CYP2C8: variants seen among roughly 807,000 people sequenced by gnomAD.
CYP2C8 encodes cytochrome P450 family 2 subfamily C member 8, also known as cytochrome P450 2C8.
Under a neutral mutation model 41.3 loss-of-function variants are expected in CYP2C8, and 51 were observed. The ratio of observed to expected loss-of-function variants is 1.24; its 90% CI spans 0.99 to 1.56. CYP2C8 has a LOEUF of 1.56. Ranked by LOEUF, CYP2C8 falls within the 40% of genes most tolerant of loss-of-function variation. CYP2C8 has a pLI of 0.00. For missense variants in CYP2C8, 651 were observed against 579.9 expected, an observed-to-expected ratio of 1.12 and a Z score of -1.26; for synonymous variants, 218 against 205.8, an observed-to-expected ratio of 1.06 and a Z score of -0.51.
In CYP2C8 at chr10:95,045,753, G is replaced by C; in HGVS notation, c.961+57C>G. On this transcript the variant is annotated intron_variant, in intron 6 of 8. Coordinates refer to ENST00000371270, the MANE Select transcript of CYP2C8 (RefSeq NM_000770.3). Reference sequence around the variant, plus strand: ...GAGAGAAACAAGGTGGAGGATACTGGCACCATCTTCTCAGCATTGTTCTGA... The same window carrying C: ...GAGAGAAACAAGGTGGAGGATACTGCCACCATCTTCTCAGCATTGTTCTGA... 1.9e-6 allele frequency: 3 copies of C among 1,602,630 alleles called. No homozygotes were observed. The South Asian group carries it at 3.3e-5, about 18-fold the overall frequency.
intron 3 of CYP2C8, 144 bp downstream of exon 3, chr10:95,067,062 CTG>C: frequency 8.8e-7 from 1 of 1,133,646 alleles, no homozygotes; most frequent in Non-Finnish European, 1.3e-6. Context: ...TCCCTTGTCT[CTG>C]TGCTTCAAAT....
intron 1 of CYP2C8, among the ~76,000 whole-genome samples, chr10:95,068,159 A>C (rs1019829946): frequency 6.6e-6 from 1 of 152,234 alleles, no homozygotes; most frequent in Non-Finnish European, 1.5e-5. Context: ...AGCTCTTAAC[A>C]TGAGGATTCT....
intron 5 of CYP2C8, among the ~76,000 whole-genome samples, chr10:95,055,093 T>A (rs185373725): frequency 1.3e-5 from 2 of 152,246 alleles, no homozygotes; most frequent in East Asian, 3.9e-4. Context: ...ACTGTCACAA[T>A]TCCAATGTCC....
chr10:95,046,988 A>G (rs1234560769), intron 5 of CYP2C8, among the ~76,000 whole-genome samples: 3 of 152,184 alleles, frequency 2.0e-5, no homozygotes, highest in Admixed American at 2.0e-4. Flanking sequence ...ATGGGGGTAG[A>G]TTTCTCATGA....
At chr10:95,043,178 A>G in intron 6 of CYP2C8, 101 bp from the exon 7 acceptor site, 1 of 1,078,092 alleles carries the variant, frequency 9.3e-7, no homozygotes, top group Non-Finnish European at 1.4e-6. Context: ...TCCCAGCAAC[A>G]TTACAAACAT....
In CYP2C8 at chr10:95,067,596, A is replaced by T; in HGVS notation, c.264T>A (p.Ile88=). The T allele has an allele frequency of 6.2e-7, 1 of 1,614,152 alleles. No individual in the cohort carries two copies. The highest frequency in any genetic ancestry group is 8.5e-7 in the Non-Finnish European group (1 of 1,180,020). ...TTCCAGAAAACTCCTCTCCATTATCAATCAGGGCTTCCTTCACTGCCTCAT... is the reference window on the plus strand; with the variant it reads ...TTCCAGAAAACTCCTCTCCATTATCTATCAGGGCTTCCTTCACTGCCTCAT... ...HGYEAVKEAL[I]DNGEEFSGRG... The change falls in exon 2 of 9, where the codon ATT becomes ATA. Residue 88 remains isoleucine, a synonymous_variant. Coordinates refer to ENST00000371270, the MANE Select transcript of CYP2C8 (RefSeq NM_000770.3).
chr10:95,046,403 G>A (rs1404774411), intron 5 of CYP2C8, among the ~76,000 whole-genome samples: 3 of 150,522 alleles, frequency 2.0e-5, no homozygotes, highest in Non-Finnish European at 4.4e-5. Context: ...AAAGTAGAAG[G>A]GCAAGAAAGG....
intron 4 of CYP2C8, among the ~76,000 whole-genome samples, chr10:95,059,712 C>G (rs1589444915): frequency 6.6e-6 from 1 of 152,104 alleles, no homozygotes; most frequent in Non-Finnish European, 1.5e-5. Flanking sequence ...ACATGAAGTC[C>G]TTGCCCATGC....
chr10:95,037,518 T>C (rs1172752277), intron 8 of CYP2C8, among the ~76,000 whole-genome samples: 1 of 152,186 alleles, frequency 6.6e-6, no homozygotes, highest in African/African-American at 2.4e-5. Context: ...AGAGATATAT[T>C]TGCTATCTGT....
intron 3 of CYP2C8, 102 bp downstream of exon 3, chr10:95,067,106 G>C: frequency 1.3e-6 from 2 of 1,513,028 alleles, no homozygotes; most frequent in East Asian, 2.3e-5. Flanking sequence ...TGACAACCAG[G>C]ATGCGCAATG....
At chr10:95,048,371 AATGGGG>A (rs2033150069) in intron 5 of CYP2C8, among the ~76,000 whole-genome samples, 1 of 152,152 alleles carries the variant, frequency 6.6e-6, no homozygotes. Flanking sequence ...GGCAATGTTG[AATGGGG>A]CTTAACTGGG....
chr10:95,037,193 T>C lies in CYP2C8; in HGVS notation c.1408A>G (p.Thr470Ala), dbSNP rs1446013773. The change falls in exon 9 of 9, where the codon ACT (threonine) becomes GCT (alanine). Residue 470 changes from threonine (T) to alanine (A), a missense_variant. Thr to Ala is a moderately conservative substitution (Grantham distance 58, BLOSUM62 0). Coordinates refer to ENST00000371270, the MANE Select transcript of CYP2C8 (RefSeq NM_000770.3). ...SVDDLKNLNT[T>A]AVTKGIVSLP... ...GAAACAATCCCTTTGGTAACTGCAG[T>C]AGTATTGAGGTTCTTTAAATCATCA... 6.2e-7 allele frequency: 1 copy of C among 1,613,898 alleles called. No homozygotes were observed. Among genetic ancestry groups the C allele is most frequent in the Non-Finnish European group, 8.5e-7 (1 of 1,179,820 alleles).
intron 8 of CYP2C8, among the ~76,000 whole-genome samples, 200 bp downstream of exon 8, chr10:95,038,697 T>C (rs2032934661): frequency 2.6e-5 from 4 of 152,110 alleles, no homozygotes; most frequent in Admixed American, 2.6e-4. Flanking sequence ...ACAACAGAGT[T>C]AACTCCTGCA....
At chr10:95,068,487 C>G (rs968753547) in intron 1 of CYP2C8, 9 of 709,166 alleles carry the variant, frequency 1.3e-5, no homozygotes, top group Admixed American at 5.0e-5. Flanking sequence ...TCACATCAGC[C>G]ATCAAATGAA....
intron 4 of CYP2C8, among the ~76,000 whole-genome samples, chr10:95,063,959 C>G (rs1470931134): frequency 6.6e-6 from 1 of 152,178 alleles, no homozygotes; most frequent in Non-Finnish European, 1.5e-5. Context: ...TGCTGAACAG[C>G]AAATGTTGCT....
Position 95,058,397 on chromosome 10 carries a change from C to G in CYP2C8, c.757G>C (p.Ala253Pro), listed in dbSNP as rs1031948070. 6 of 1,613,340 alleles carry G rather than the reference C, an allele frequency of 3.7e-6. No individual in the cohort carries two copies. In the Admixed American group the frequency reaches 5.0e-5, roughly 13 times the overall value. Residue 253 changes from alanine to proline, a missense_variant, in exon 5 of 9, where the codon GCA becomes CCA. Transcript: ENST00000371270. ...CGAGGATTGTTAACATCCAGTGATGCTTGGTGTTCTTTTACTTTCTCCCTA... is the reference window on the plus strand; with the variant it reads ...CGAGGATTGTTAACATCCAGTGATGGTTGGTGTTCTTTTACTTTCTCCCTA... ...YIREKVKEHQ[A>P]SLDVNNPRDF... is the part of the protein sequence containing the mutation.
chr10:95,039,258 A>T, intron 7 of CYP2C8: 1 of 538,254 alleles, frequency 1.9e-6, no homozygotes, highest in Non-Finnish European at 3.3e-6. Flanking sequence ...ACTTGTGTGC[A>T]ACCTTCTGAA....
intron 5 of CYP2C8, among the ~76,000 whole-genome samples, chr10:95,046,182 A>G (rs758233161): frequency 2.6e-5 from 4 of 152,216 alleles, no homozygotes; most frequent in Non-Finnish European, 4.4e-5. Context: ...TGCTTAGGTT[A>G]GTCACACAGA....
chr10:95,043,996 A>G (rs779023327), intron 6 of CYP2C8, among the ~76,000 whole-genome samples: 1 of 152,120 alleles, frequency 6.6e-6, no homozygotes, highest in Non-Finnish European at 1.5e-5. Context: ...TAATTTCCCA[A>G]TTATAGGGAA....
Sources: allele counts gnomAD v4.1 joint callset (sites outside exome capture counted in the v4.1 genomes callset), GRCh38; gene constraint gnomAD v4.1.1; transcripts MANE v1.5; gene names NCBI Gene and HGNC (gene_info 2026-07-23, HGNC 2026-07-21).